Variants in ZC3H12B observed in about 807,000 individuals in gnomAD.
ZC3H12B encodes the protein zinc finger CCCH-type containing 12B.
A neutral mutation model predicts 43.9 loss-of-function variants in ZC3H12B; 7 were observed. That is an observed-to-expected ratio of 0.16 (90% CI 0.09 to 0.30). The LOEUF is 0.30. Among genes scored for constraint, ZC3H12B ranks in the 10% least tolerant of loss-of-function variants. ZC3H12B has a pLI of 1.00. For synonymous variants in ZC3H12B, 222 were observed against 241.7 expected (o/e 0.92, Z 0.76); for missense variants, 475 against 670.2 (o/e 0.71, Z 3.22).
At chrX:65,257,117 G>T in the ZC3H12B span, among the ~76,000 whole-genome samples, 1 of 112,062 alleles carries the variant, frequency 8.9e-6, no homozygotes, top group African/African-American at 3.3e-5. Flanking sequence ...ATACCCAAAG[G>T]ATTATAAACC....
chrX:65,337,542 T>A, the ZC3H12B span, among the ~76,000 whole-genome samples: 5 of 112,418 alleles, frequency 4.4e-5, no homozygotes, highest in Non-Finnish European at 9.4e-5. Context: ...TGTTAGCGAT[T>A]TGAGGTGATG....
At position 65,473,301 on chromosome X, in the gene ZC3H12B, C is replaced by T. The variant is rs185338656; in HGVS notation, n.408-15345C>T. Among the ~76,000 whole-genome samples, 355 of 110,399 alleles carry T rather than the reference C, an allele frequency of 3.2e-3. 1 individual carries two copies. Among genetic ancestry groups the T allele is most frequent in the African/African-American group, 0.011 (345 of 30,408 alleles). On this transcript the variant is annotated intron_variant and non_coding_transcript_variant, in intron 3 of 5. Coordinates refer to the ZC3H12B transcript ENST00000617377. ...AAAGTGCTGGGATCACAGGCATGAG[C>T]CACCACACCCAGCATGTAATATATT...
chrX:65,222,302 T>C, the ZC3H12B span, among the ~76,000 whole-genome samples: 1 of 110,963 alleles, frequency 9.0e-6, no homozygotes, highest in East Asian at 2.8e-4. Flanking sequence ...GACAAGGATG[T>C]TCACTTTTGC....
At chrX:65,043,688 T>C in the ZC3H12B span, among the ~76,000 whole-genome samples, 1 of 111,314 alleles carries the variant, frequency 9.0e-6, no homozygotes, top group South Asian at 3.7e-4. Flanking sequence ...AGCAAAACAA[T>C]TTCCCCATGT....
the ZC3H12B span, among the ~76,000 whole-genome samples, chrX:65,199,482 G>T: frequency 9.0e-6 from 1 of 110,526 alleles, no homozygotes; most frequent in Non-Finnish European, 1.9e-5. Flanking sequence ...TGAGCAGGAT[G>T]TGCAGGTTTG....
At chrX:65,197,939 G>T in the ZC3H12B span, among the ~76,000 whole-genome samples, 1 of 112,243 alleles carries the variant, frequency 8.9e-6, no homozygotes, top group Non-Finnish European at 1.9e-5. Flanking sequence ...CCAGTCTGGA[G>T]CCAGCCCTGT....
At chrX:65,065,615 G>A in the ZC3H12B span, among the ~76,000 whole-genome samples, 1 of 111,290 alleles carries the variant, frequency 9.0e-6, no homozygotes, top group Non-Finnish European at 1.9e-5. Flanking sequence ...TGACGATTAT[G>A]TGTCTTGTGG....
the ZC3H12B span, among the ~76,000 whole-genome samples, chrX:65,295,007 A>G: frequency 1.8e-5 from 2 of 111,131 alleles, no homozygotes; most frequent in South Asian, 3.7e-4. Context: ...AAAAAGGACT[A>G]AACTGATATT....
intron 2 of ZC3H12B, among the ~76,000 whole-genome samples, chrX:65,375,511 C>A (rs1481261813): frequency 3.6e-5 from 4 of 111,899 alleles, no homozygotes; most frequent in Non-Finnish European, 7.5e-5. Context: ...GACAGCACAG[C>A]TCATGGCTGC....
the ZC3H12B span, among the ~76,000 whole-genome samples, chrX:65,151,549 A>G: frequency 8.9e-6 from 1 of 112,090 alleles, no homozygotes; most frequent in East Asian, 2.8e-4. Flanking sequence ...TCAGATTACC[A>G]AGGAATCTAG....
the ZC3H12B span, among the ~76,000 whole-genome samples, chrX:65,052,463 C>G: frequency 9.0e-6 from 1 of 110,578 alleles, no homozygotes; most frequent in Non-Finnish European, 1.9e-5. Flanking sequence ...CACCTCCCCC[C>G]AGAACCCTAC....
the ZC3H12B span, among the ~76,000 whole-genome samples, chrX:65,037,742 C>T: frequency 9.0e-6 from 1 of 110,651 alleles, no homozygotes; most frequent in African/African-American, 3.3e-5. Flanking sequence ...AAGACTATTT[C>T]TTGATAAAAT....
At chrX:65,302,173 T>C in the ZC3H12B span, among the ~76,000 whole-genome samples, 1 of 111,010 alleles carries the variant, frequency 9.0e-6, no homozygotes, top group African/African-American at 3.3e-5. Context: ...TGTCCTAGGT[T>C]ATGCAACATG....
the ZC3H12B span, among the ~76,000 whole-genome samples, chrX:65,345,306 T>C: frequency 8.9e-6 from 1 of 112,140 alleles, no homozygotes; most frequent in Admixed American, 9.5e-5. Context: ...TAAGAGCTTG[T>C]CAGTGGTAGA....
chrX:65,307,248 C>T, the ZC3H12B span, among the ~76,000 whole-genome samples: 1 of 111,919 alleles, frequency 8.9e-6, no homozygotes, highest in East Asian at 2.8e-4. Flanking sequence ...AATGTAAATA[C>T]AGTGTCTAGT....
At chrX:65,254,070 G>A in the ZC3H12B span, among the ~76,000 whole-genome samples, 4 of 111,912 alleles carry the variant, frequency 3.6e-5, no homozygotes, top group South Asian at 3.7e-4. Context: ...CAGCTCCACC[G>A]TGCACTGCCA....
At chrX:65,181,344 G>T in the ZC3H12B span, among the ~76,000 whole-genome samples, 1 of 111,614 alleles carries the variant, frequency 9.0e-6, no homozygotes, top group African/African-American at 3.3e-5. Flanking sequence ...ATAAGAATGT[G>T]CAAAGACTTC....
At chrX:65,251,500 A>T in the ZC3H12B span, among the ~76,000 whole-genome samples, 3 of 110,991 alleles carry the variant, frequency 2.7e-5, no homozygotes, top group East Asian at 2.8e-4. Context: ...CTTGATGGGG[A>T]TGGCATTGAA....
chrX:65,048,924 T>A, the ZC3H12B span, among the ~76,000 whole-genome samples: 2 of 111,757 alleles, frequency 1.8e-5, no homozygotes, highest in African/African-American at 6.5e-5. Flanking sequence ...CTCTGATGAT[T>A]AGTGATGTTG....
Sources: gnomAD v4.1 joint callset for allele counts (sites outside exome capture counted in the v4.1 genomes callset) on GRCh38, gnomAD v4.1.1 for gene constraint, MANE v1.5 for transcripts, NCBI Gene and HGNC (gene_info 2026-07-23, HGNC 2026-07-21) for gene names.